The following ANXA8 variants were observed in gnomAD, a reference collection of about 807,000 sequenced individuals.
The protein encoded by ANXA8 is VAC-beta.
Under a neutral mutation model 26.8 loss-of-function variants are expected in ANXA8, and 9 were observed. The ratio of observed to expected loss-of-function variants is 0.34; its 90% CI spans 0.20 to 0.59. The LOEUF is 0.59. Among genes scored for constraint, ANXA8 ranks in the 20% least tolerant of loss-of-function variants. The probability of loss-of-function intolerance (pLI) is 0.84; values close to 1 mark genes in which losing one functional copy is unlikely to be tolerated. For synonymous variants in ANXA8, 39 were observed against 94.8 expected (o/e 0.41, Z 3.42); for missense variants, 83 against 238.5 (o/e 0.35, Z 4.29).
chr10:47,657,384 C>T, the ANXA8 span, among the ~76,000 whole-genome samples: 1 of 151,878 alleles, frequency 6.6e-6, no homozygotes, highest in Admixed American at 6.5e-5. Context: ...TTATTTTTAG[C>T]AGTATTTATT....
the ANXA8 span, among the ~76,000 whole-genome samples, chr10:47,776,598 C>A: frequency 6.6e-6 from 1 of 152,048 alleles, no homozygotes; most frequent in East Asian, 1.9e-4. Context: ...TCCAGATTCC[C>A]AGATAAAGTA....
the ANXA8 span, among the ~76,000 whole-genome samples, chr10:47,909,730 T>C: frequency 8.8e-6 from 1 of 114,010 alleles, no homozygotes; most frequent in East Asian, 2.3e-4. Flanking sequence ...AGCTGCCCCA[T>C]TGAGCTCGCC....
At chr10:47,657,625 A>G in the ANXA8 span, among the ~76,000 whole-genome samples, 5 of 151,062 alleles carry the variant, frequency 3.3e-5, no homozygotes, top group South Asian at 8.3e-4. Context: ...AAAGTTCTCA[A>G]TGTTAATTAC....
At chr10:47,702,255 C>T in the ANXA8 span, among the ~76,000 whole-genome samples, 4 of 151,008 alleles carry the variant, frequency 2.6e-5, no homozygotes, top group Non-Finnish European at 5.9e-5. Flanking sequence ...GTCCATTGAG[C>T]GAGCACAGCA....
the ANXA8 span, among the ~76,000 whole-genome samples, chr10:47,892,599 A>C: frequency 6.7e-6 from 1 of 148,448 alleles, no homozygotes; most frequent in East Asian, 1.9e-4. Flanking sequence ...CCGACCTGTC[A>C]GCGTATGGTC....
At chr10:47,587,988 G>A in the ANXA8 span, among the ~76,000 whole-genome samples, 268 of 144,070 alleles carry the variant, frequency 1.9e-3, 41 homozygotes, top group African/African-American at 7.2e-3. Context: ...GCACAAATGC[G>A]GTTTGTTGTT....
chr10:47,709,491 C>T, the ANXA8 span, among the ~76,000 whole-genome samples: 1 of 150,238 alleles, frequency 6.7e-6, no homozygotes, highest in South Asian at 2.1e-4. Flanking sequence ...AGAAACTATA[C>T]CTTAATAAAA....
the ANXA8 span, among the ~76,000 whole-genome samples, chr10:47,583,751 G>T: frequency 4.8e-5 from 7 of 146,486 alleles, no homozygotes; most frequent in East Asian, 8.0e-4. Flanking sequence ...TAGAATTTTT[G>T]ATTAAAATCT....
the ANXA8 span, among the ~76,000 whole-genome samples, chr10:47,705,111 A>G: frequency 6.6e-6 from 1 of 152,002 alleles, no homozygotes; most frequent in African/African-American, 2.4e-5. Flanking sequence ...TATGATATTT[A>G]TGTAGAAGAG....
At chr10:47,491,596 C>T in the ANXA8 span, 1 of 1,516,472 alleles carries the variant, frequency 6.6e-7, no homozygotes, top group Non-Finnish European at 8.9e-7. Context: ...AGCCCTGGGT[C>T]CTCACTGGCT....
chr10:47,763,818 A>C, the ANXA8 span, among the ~76,000 whole-genome samples: 1 of 93,604 alleles, frequency 1.1e-5, no homozygotes, highest in Non-Finnish European at 2.1e-5. Context: ...GTTGTGGGGG[A>C]GTGCGTGTTT....
the ANXA8 span, among the ~76,000 whole-genome samples, chr10:47,557,003 CTTTTTTTTTT>C: frequency 8.8e-6 from 1 of 113,442 alleles, no homozygotes; most frequent in Non-Finnish European, 1.8e-5. Flanking sequence ...TATTTTCTTT[CTTTTTTTTTT>C]TTTTTTTTTT....
chr10:47,552,851 A>G, the ANXA8 span, among the ~76,000 whole-genome samples: 5 of 151,960 alleles, frequency 3.3e-5, no homozygotes, highest in South Asian at 1.0e-3. Flanking sequence ...CAGAAAATGG[A>G]TATAGCTATG....
the ANXA8 span, among the ~76,000 whole-genome samples, chr10:47,650,205 CAAAAA>C: frequency 3.0e-5 from 3 of 99,864 alleles, no homozygotes; most frequent in Non-Finnish European, 4.4e-5. Flanking sequence ...AAGTCTGTCT[CAAAAA>C]AAAAAAAAAA....
the ANXA8 span, among the ~76,000 whole-genome samples, chr10:47,717,997 CAAAAAAAAAAAAAAA>C: frequency 3.6e-5 from 2 of 55,498 alleles, no homozygotes; most frequent in South Asian, 1.5e-3. Context: ...TACTCTGTCT[CAAAAAAAAAAAAAAA>C]AAAAAAAAGA....
the ANXA8 span, among the ~76,000 whole-genome samples, chr10:47,516,206 T>TA: frequency 3.9e-4 from 26 of 66,414 alleles, 1 homozygote; most frequent in Admixed American, 1.3e-3. Context: ...ACAGAGAAAA[T>TA]AAAAAAAAAA....
At chr10:47,639,469 C>A in the ANXA8 span, among the ~76,000 whole-genome samples, 5 of 152,370 alleles carry the variant, frequency 3.3e-5, no homozygotes, top group Non-Finnish European at 5.9e-5. Context: ...CCCGCCACCG[C>A]GCCCGGCTAA....
the ANXA8 span, among the ~76,000 whole-genome samples, chr10:47,776,959 C>T: frequency 5.0e-4 from 76 of 151,554 alleles, no homozygotes; most frequent in African/African-American, 1.6e-3. Flanking sequence ...CCAGTGGAAA[C>T]GGAAAAGGCG....
At chr10:47,652,884 TTTATA>T in the ANXA8 span, among the ~76,000 whole-genome samples, 1 of 150,404 alleles carries the variant, frequency 6.6e-6, no homozygotes, top group African/African-American at 2.5e-5. Flanking sequence ...TCAATTTATA[TTTATA>T]TTATATTTAC....
Sources: gnomAD v4.1 joint callset for allele counts (sites outside exome capture counted in the v4.1 genomes callset) on GRCh38, gnomAD v4.1.1 for gene constraint, MANE v1.5 for transcripts, NCBI Gene and HGNC (gene_info 2026-07-23, HGNC 2026-07-21) for gene names.